The following GRK3 variants were observed in gnomAD, a reference collection of about 807,000 sequenced individuals.
GRK3 encodes the protein G protein-coupled receptor kinase 3, also known as adrenergic, beta, receptor kinase 2.
In GRK3, 54 loss-of-function variants were observed where a neutral mutation model predicts 95.7. The ratio of observed to expected loss-of-function variants is 0.56; its 90% confidence interval spans 0.45 to 0.71. GRK3 has a LOEUF of 0.71. GRK3 is among the 30% of genes least tolerant of loss of function. The probability of loss-of-function intolerance (pLI) is 0.00; values close to 1 mark genes in which losing one functional copy is unlikely to be tolerated. For missense variants in GRK3, 649 were observed against 851.2 expected (o/e 0.76, Z 2.96); for synonymous variants, 281 against 290.8 (o/e 0.97, Z 0.34).
chr22:25,599,656 C>T (rs2084396207), intron 1 of GRK3, among the ~76,000 whole-genome samples: 1 of 149,248 alleles, frequency 6.7e-6, no homozygotes, highest in Admixed American at 6.7e-5. Context: ...GTATCCAGAA[C>T]ATATAAAGAA....
chr22:25,657,064 G>A (rs7286391), intron 3 of GRK3, among the ~76,000 whole-genome samples: 10,351 of 152,170 alleles, frequency 0.068, 1,126 homozygotes, highest in African/African-American at 0.23. Flanking sequence ...TGAAGAGAGG[G>A]GCAGGTAGTG....
intron 17 of GRK3, among the ~76,000 whole-genome samples, chr22:25,713,140 A>G (rs901671344): frequency 5.3e-5 from 8 of 152,228 alleles, no homozygotes; most frequent in African/African-American, 1.9e-4. Flanking sequence ...CCATTTCAGA[A>G]TAACTGCCTG....
chr22:25,692,873 G>A (rs1426125600), intron 12 of GRK3, among the ~76,000 whole-genome samples: 2 of 152,166 alleles, frequency 1.3e-5, no homozygotes, highest in South Asian at 2.1e-4. Flanking sequence ...AGTACAAGAC[G>A]GAAGATTTTT....
At chr22:25,639,567 G>A (rs995688263) in intron 2 of GRK3, among the ~76,000 whole-genome samples, 1 of 152,104 alleles carries the variant, frequency 6.6e-6, no homozygotes, top group African/African-American at 2.4e-5. Context: ...GATTAGTATG[G>A]CTATGTAATG....
intron 12 of GRK3, among the ~76,000 whole-genome samples, chr22:25,691,391 G>A (rs557955613): frequency 2.6e-5 from 4 of 152,064 alleles, no homozygotes; most frequent in Non-Finnish European, 5.9e-5. Flanking sequence ...GAAGTAAAGT[G>A]GTTCTGAACT....
rs1010801577 is a variant in GRK3, at chr22:25,661,795, G to A, written c.366+118G>A. 29 of 549,104 alleles carry A rather than the reference G, an allele frequency of 5.3e-5. No individual in the cohort carries two copies. In the East Asian group the frequency reaches 7.7e-4, roughly 15 times the overall value. The allele number at this position is 549,104 out of a possible 1,614,324, so 34.0% of individuals were successfully genotyped here. A position where few individuals can be genotyped will look rare whatever the true frequency, so the allele number is the denominator to read the frequency against. Reference sequence around the variant, plus strand: ...GTTTAAAATTGAAAAATGCACGCCCGGGATGGATCCTATTTCTTCTGCTTT... The same window carrying A: ...GTTTAAAATTGAAAAATGCACGCCCAGGATGGATCCTATTTCTTCTGCTTT... On this transcript the variant is annotated intron_variant, in intron 4 of 20. Coordinates refer to ENST00000324198, the MANE Select transcript of GRK3 (RefSeq NM_005160.4).
intron 13 of GRK3, among the ~76,000 whole-genome samples, chr22:25,699,746 T>C (rs2146450394): frequency 6.6e-6 from 1 of 150,660 alleles, no homozygotes; most frequent in South Asian, 2.1e-4. Context: ...TCGCCCAGGC[T>C]GGAGTGCAGT....
At chr22:25,681,609 A>G (rs1205772586) in intron 9 of GRK3, among the ~76,000 whole-genome samples, 1 of 152,216 alleles carries the variant, frequency 6.6e-6, no homozygotes, top group East Asian at 1.9e-4. Flanking sequence ...GACTGCAGTT[A>G]GAAACCAAGT....
chr22:25,724,851 T>C lies in GRK3; in HGVS notation c.*2401T>C, dbSNP rs2085461974. 6.6e-6 allele frequency: 1 copy of C among 152,046 alleles called. No homozygotes were observed. The highest frequency in any genetic ancestry group is 6.6e-5 in the Admixed American group (1 of 15,264). 9.4% of individuals were successfully genotyped at this position (152,046 alleles called of 1,614,324 possible). A position where few individuals can be genotyped will look rare whatever the true frequency, so the allele number is the denominator to read the frequency against. On this transcript the variant is annotated 3_prime_UTR_variant, in exon 21 of 21. Transcript: ENST00000324198. ...TTAAACATCATGGTATACTTGGCTG[T>C]TGTTTTTTTTTAATTTTTTAATTTT...
rs928670667 is a variant in GRK3, at chr22:25,723,088, C to T, written c.*638C>T. On this transcript the variant is annotated 3_prime_UTR_variant, in exon 21 of 21. Coordinates refer to ENST00000324198, the MANE Select transcript of GRK3 (RefSeq NM_005160.4). ...GGTGGGAATGACGGACACGTACTAT[C>T]CAAGTGTATGGGATTAACTAATCAT... The T allele has an allele frequency of 1.3e-5, 2 of 152,268 alleles. No homozygotes were observed. Among genetic ancestry groups the T allele is most frequent in the African/African-American group, 4.8e-5 (2 of 41,438 alleles). The allele number at this position is 152,268 out of a possible 1,614,324, so 9.4% of individuals were successfully genotyped here.
At chr22:25,694,972 G>A (rs2085195344) in intron 12 of GRK3, 135 bp from the exon 13 acceptor site, 4 of 576,962 alleles carry the variant, frequency 6.9e-6, no homozygotes, top group South Asian at 5.1e-5. Context: ...TCACGTTTGC[G>A]GTGAAGCACA....
intron 13 of GRK3, among the ~76,000 whole-genome samples, chr22:25,700,585 G>GTATTT (rs1196086467): frequency 8.5e-5 from 13 of 152,222 alleles, no homozygotes; most frequent in South Asian, 8.3e-4. Context: ...CATCTTTTGG[G>GTATTT]TATTTTATTT....
At chr22:25,613,593 A>G (rs2146349456) in intron 2 of GRK3, among the ~76,000 whole-genome samples, 2 of 149,094 alleles carry the variant, frequency 1.3e-5, no homozygotes, top group Non-Finnish European at 3.0e-5. Context: ...CAGCCTCTGC[A>G]CAGTTTCAAC....
chr22:25,578,637 C>T (rs41259244), intron 1 of GRK3, among the ~76,000 whole-genome samples: 4,509 of 152,138 alleles, frequency 0.03, 119 homozygotes, highest in Middle Eastern at 0.068. Flanking sequence ...CAGAGCGATG[C>T]AACATGAGAA....
intron 16 of GRK3, 74 bp downstream of exon 16, chr22:25,710,038 T>C (rs2085331898): frequency 1.8e-6 from 2 of 1,137,454 alleles, no homozygotes; most frequent in African/African-American, 3.0e-5. Flanking sequence ...TCTCAGTTTC[T>C]GTCTCTGTCT....
At chr22:25,642,301 C>T (rs1239054544) in intron 2 of GRK3, among the ~76,000 whole-genome samples, 3 of 152,090 alleles carry the variant, frequency 2.0e-5, no homozygotes, top group Non-Finnish European at 2.9e-5. Flanking sequence ...GCCATGATCG[C>T]GGGTGCCTGT....
intron 1 of GRK3, among the ~76,000 whole-genome samples, chr22:25,582,109 G>A (rs1932120278): frequency 1.3e-5 from 2 of 151,872 alleles, no homozygotes. Context: ...AATCCTCGTC[G>A]CTACTAAAAA....
chr22:25,707,819 G>A (rs2085311778), intron 15 of GRK3, among the ~76,000 whole-genome samples: 2 of 152,128 alleles, frequency 1.3e-5, no homozygotes, highest in African/African-American at 4.8e-5. Flanking sequence ...CAGGACTAGA[G>A]GTCAGAGGAG....
chr22:25,632,922 GT>G (rs1318916056), intron 2 of GRK3, among the ~76,000 whole-genome samples: 1 of 151,230 alleles, frequency 6.6e-6, no homozygotes, highest in Non-Finnish European at 1.5e-5. Flanking sequence ...TTGTTTTTTT[GT>G]TTTTAGAGAC....
Sources: allele counts gnomAD v4.1 joint callset (sites outside exome capture counted in the v4.1 genomes callset), GRCh38; gene constraint gnomAD v4.1.1; transcripts MANE v1.5; gene names NCBI Gene and HGNC (gene_info 2026-07-23, HGNC 2026-07-21).